Variants in EPHA5 observed in about 807,000 individuals in gnomAD.
EPHA5 encodes ephrin type-A receptor 5.
EPHA5 carries 60 observed loss-of-function variants against 105.0 expected under a neutral mutation model. The observed-to-expected ratio is 0.57, with a 90% confidence interval of 0.46 to 0.71. EPHA5 has a LOEUF of 0.71. EPHA5 is among the 30% of genes least tolerant of loss of function. The pLI is 0.00. For missense variants in EPHA5, 1,218 were observed against 1,274.7 expected, an observed-to-expected ratio of 0.96 and a Z score of 0.68; for synonymous variants, 513 against 449.1, an observed-to-expected ratio of 1.14 and a Z score of -1.80.
chr4:65,660,740 C>A (rs138990786), intron 1 of EPHA5, among the ~76,000 whole-genome samples: 49 of 152,110 alleles, frequency 3.2e-4, no homozygotes, highest in African/African-American at 1.0e-3. Flanking sequence ...TCTGAGCTAC[C>A]CCACAGCAGG....
chr4:65,466,933 C>T (rs146641880), intron 5 of EPHA5, among the ~76,000 whole-genome samples: 412 of 152,288 alleles, frequency 2.7e-3, no homozygotes, highest in African/African-American at 9.5e-3. Context: ...CACCCCACTG[C>T]ACTTGAGCAT....
chr4:65,612,124 ATAGAGAATGGCTT>A (rs906692732), intron 2 of EPHA5, among the ~76,000 whole-genome samples: 1 of 151,794 alleles, frequency 6.6e-6, no homozygotes, highest in African/African-American at 2.4e-5. Context: ...TGGCATTTCC[ATAGAGAATGGCTT>A]TATTTTTAAT....
rs200707311 is a variant in EPHA5, at chr4:65,335,277, CAGAA to C, written c.2789+651_2789+654del. Among the ~76,000 whole-genome samples, 1,324 of 152,002 alleles carry C rather than the reference CAGAA, an allele frequency of 8.7e-3. 24 individuals carry two copies. Among genetic ancestry groups the C allele is most frequent in the African/African-American group, 0.03 (1,231 of 41,492 alleles). The stretch of plus-strand genomic sequence containing the variant: ...AAGATAATTCTGTTTTTCAGAAAAA[CAGAA>C]AGGCATGCTTTACAAATATGAAACA... On this transcript the variant is annotated intron_variant, in intron 15 of 16. Coordinates refer to ENST00000613740, the MANE Select transcript of EPHA5 (RefSeq NM_001281766.3).
At chr4:65,470,817 G>T (rs961711404) in intron 5 of EPHA5, among the ~76,000 whole-genome samples, 1 of 152,058 alleles carries the variant, frequency 6.6e-6, no homozygotes, top group African/African-American at 2.4e-5. Context: ...ACTAAATATG[G>T]CCTGAGAAGC....
chr4:65,513,551 T>G (rs935130532), intron 3 of EPHA5, among the ~76,000 whole-genome samples: 56 of 152,062 alleles, frequency 3.7e-4, no homozygotes, highest in African/African-American at 1.3e-3. Flanking sequence ...CACGCCCGAC[T>G]AATTTTTGTG....
chr4:65,610,217 C>T (rs1485644577), intron 2 of EPHA5, among the ~76,000 whole-genome samples: 1 of 152,016 alleles, frequency 6.6e-6, no homozygotes, highest in Non-Finnish European at 1.5e-5. Flanking sequence ...GAATGAGATC[C>T]TGTCCTTTGC....
chr4:65,397,198 C>T (rs1035333717), intron 8 of EPHA5, among the ~76,000 whole-genome samples: 3 of 152,286 alleles, frequency 2.0e-5, no homozygotes, highest in Non-Finnish European at 2.9e-5. Context: ...GGGTACTTCT[C>T]CCTGGCTCTG....
intron 3 of EPHA5, among the ~76,000 whole-genome samples, chr4:65,512,625 A>G (rs1733732072): frequency 6.6e-6 from 1 of 152,208 alleles, no homozygotes; most frequent in Admixed American, 6.6e-5. Context: ...CATGATTGTA[A>G]GTTTTCTGAG....
intron 3 of EPHA5, among the ~76,000 whole-genome samples, chr4:65,517,460 T>C (rs1734216173): frequency 6.6e-6 from 1 of 151,896 alleles, no homozygotes. Context: ...AGTTTTGATT[T>C]CTTATTGTAC....
intron 3 of EPHA5, among the ~76,000 whole-genome samples, chr4:65,584,911 G>GTTTT (rs1741969037): frequency 2.0e-5 from 3 of 151,718 alleles, no homozygotes; most frequent in Admixed American, 2.0e-4. Context: ...TTTTTTAAAT[G>GTTTT]CCTTGGTGAG....
chr4:65,554,320 A>G (rs1472800647), intron 3 of EPHA5, among the ~76,000 whole-genome samples: 3 of 150,236 alleles, frequency 2.0e-5, no homozygotes, highest in Non-Finnish European at 4.4e-5. Flanking sequence ...TATTAATTAC[A>G]TGGGGCTTTA....
intron 3 of EPHA5, among the ~76,000 whole-genome samples, chr4:65,535,092 T>A (rs538066068): frequency 1.5e-4 from 23 of 152,296 alleles, no homozygotes; most frequent in Admixed American, 8.5e-4. Flanking sequence ...ACAAATAGTC[T>A]CCTGGTAAAT....
chr4:65,511,785 T>G (rs1733651549), intron 3 of EPHA5, among the ~76,000 whole-genome samples: 1 of 152,202 alleles, frequency 6.6e-6, no homozygotes, highest in Non-Finnish European at 1.5e-5. Context: ...ATACTTTGGT[T>G]TTTAAGCAAT....
At chr4:65,351,031 CTATA>C (rs34164927) in intron 13 of EPHA5, among the ~76,000 whole-genome samples, 24,731 of 149,850 alleles carry the variant, frequency 0.17, 2,185 homozygotes, top group East Asian at 0.32. Flanking sequence ...CACATACATA[CTATA>C]TATATATATA....
chr4:65,462,223 T>C (rs1294954726), intron 5 of EPHA5, among the ~76,000 whole-genome samples: 1 of 152,202 alleles, frequency 6.6e-6, no homozygotes. Context: ...CTTTACCTAC[T>C]AGCTAAATAC....
At chr4:65,599,331 T>A (rs1264038022) in intron 3 of EPHA5, among the ~76,000 whole-genome samples, 1 of 139,974 alleles carries the variant, frequency 7.1e-6, no homozygotes, top group Admixed American at 7.6e-5. Context: ...TGAGCTAGAG[T>A]CATGGTGGCA....
chr4:65,533,929 T>C (rs1736057327), intron 3 of EPHA5, among the ~76,000 whole-genome samples: 1 of 144,150 alleles, frequency 6.9e-6, no homozygotes, highest in Non-Finnish European at 1.5e-5. Context: ...TGAGACTCCA[T>C]CTCAAAAAAA....
At chr4:65,515,822 G>A (rs565461669) in intron 3 of EPHA5, among the ~76,000 whole-genome samples, 25 of 152,234 alleles carry the variant, frequency 1.6e-4, no homozygotes, top group Middle Eastern at 3.4e-3. Context: ...ACTGAGAAAA[G>A]CATCACCCTT....
At chr4:65,371,557 C>T (rs1468062756) in intron 8 of EPHA5, among the ~76,000 whole-genome samples, 1 of 151,856 alleles carries the variant, frequency 6.6e-6, no homozygotes, top group Non-Finnish European at 1.5e-5. Context: ...AGATGGACAG[C>T]CAACGAATAA....
Sources: allele counts gnomAD v4.1 joint callset (sites outside exome capture counted in the v4.1 genomes callset), GRCh38; gene constraint gnomAD v4.1.1; transcripts MANE v1.5; gene names NCBI Gene and HGNC (gene_info 2026-07-23, HGNC 2026-07-21).